The following PAPPA2 variants were observed in gnomAD, a reference collection of about 807,000 sequenced individuals.
PAPPA2 encodes the protein pappalysin 2.
PAPPA2 carries 86 observed loss-of-function variants against 176.4 expected under a neutral mutation model. The ratio of observed to expected loss-of-function variants is 0.49; its 90% CI spans 0.41 to 0.58. PAPPA2 has a LOEUF of 0.58. PAPPA2 is among the 20% of genes least tolerant of loss of function. The pLI, the probability that PAPPA2 is intolerant of heterozygous loss-of-function variation, is 0.00. For synonymous variants in PAPPA2, 809 were observed against 852.2 expected (o/e 0.95, Z 0.88); for missense variants, 2,073 against 2,256.9 (o/e 0.92, Z 1.65).
rs976606066 is a variant in PAPPA2, at chr1:176,475,407, C to G, written c.-917+11989C>G. On this transcript the variant is annotated intron_variant, in intron 1 of 22. Transcript: ENST00000367662. ...AAAGCCCAGATTCTCTGCTCTTGGC[C>G]CAACATAAGTTGTTACTGGCCTCAG... Among the ~76,000 whole-genome samples, 4 of 152,100 alleles carry G rather than the reference C, an allele frequency of 2.6e-5. No homozygotes were observed. The East Asian group carries it at 7.7e-4, about 29-fold the overall frequency.
intron 3 of PAPPA2, among the ~76,000 whole-genome samples, chr1:176,650,893 A>G (rs1657682388): frequency 6.6e-6 from 1 of 151,778 alleles, no homozygotes; most frequent in Middle Eastern, 3.4e-3. Context: ...TTGTGGCCAC[A>G]TGAGGCTTCA....
intron 9 of PAPPA2, among the ~76,000 whole-genome samples, chr1:176,706,132 A>G (rs1455286782): frequency 1.3e-5 from 2 of 152,304 alleles, no homozygotes; most frequent in South Asian, 2.1e-4. Context: ...AGGAATTCCC[A>G]CAACCCACTG....
At chr1:176,818,016 G>GAGGAAGAAT (rs1666476235) in intron 21 of PAPPA2, among the ~76,000 whole-genome samples, 2 of 152,126 alleles carry the variant, frequency 1.3e-5, no homozygotes, top group Non-Finnish European at 2.9e-5. Context: ...CAAGGGGACA[G>GAGGAAGAAT]AGGAAGAATG....
At chr1:176,552,882 C>T (rs543542880) in intron 1 of PAPPA2, among the ~76,000 whole-genome samples, 46 of 152,254 alleles carry the variant, frequency 3.0e-4, no homozygotes, top group Middle Eastern at 6.8e-3. Flanking sequence ...AAAACAGATT[C>T]GACCAGCTTT....
At chr1:176,769,117 G>T (rs1325601) in intron 15 of PAPPA2, among the ~76,000 whole-genome samples, 60,736 of 152,084 alleles carry the variant, frequency 0.4, 13,606 homozygotes, top group African/African-American at 0.6. Flanking sequence ...CAGAAACTGT[G>T]TAGAGCAGGC....
chr1:176,794,845 C>T (rs1175931330), intron 20 of PAPPA2, among the ~76,000 whole-genome samples: 1 of 152,186 alleles, frequency 6.6e-6, no homozygotes, highest in Non-Finnish European at 1.5e-5. Context: ...CTTGTCATTG[C>T]AATGGTGTCT....
intron 16 of PAPPA2, 47 bp downstream of exon 16, chr1:176,769,831 C>T: frequency 6.5e-7 from 1 of 1,528,934 alleles, no homozygotes; most frequent in Non-Finnish European, 8.8e-7. Context: ...TCTGCCATCC[C>T]TCGCTCTTGA....
intron 1 of PAPPA2, among the ~76,000 whole-genome samples, chr1:176,543,308 CCA>C (rs961381994): frequency 6.6e-6 from 1 of 152,096 alleles, no homozygotes; most frequent in Non-Finnish European, 1.5e-5. Context: ...TGGAACCAGC[CCA>C]CTCTCACCTC....
In PAPPA2 at chr1:176,739,746, A is replaced by T. The variant is rs1009132074; in HGVS notation, c.3919A>T (p.Ser1307Cys). The change falls in exon 13 of 23, where the codon AGC becomes TGC. Residue 1307 changes from serine to cysteine, a missense_variant. By Grantham distance (112) the Ser-to-Cys change is moderately radical (BLOSUM62 -1). Coordinates refer to ENST00000367662, the MANE Select transcript of PAPPA2 (RefSeq NM_020318.3). The part of the protein sequence containing the change: ...VTLYLTDVRG[S>C]NHSLGTYGLS... Reference sequence around the variant, plus strand: ...TCTCTACCTGACCGATGTCCGTGGAAGCAACCACTCTCTTGGTGAGTCTGA... The same window carrying T: ...TCTCTACCTGACCGATGTCCGTGGATGCAACCACTCTCTTGGTGAGTCTGA... 6.2e-6 allele frequency: 10 copies of T among 1,613,538 alleles called. No homozygotes were observed. The African/African-American group carries it at 1.2e-4, about 19-fold the overall frequency.
At chr1:176,623,758 C>CCCTTCTTT (rs1655820886) in intron 3 of PAPPA2, among the ~76,000 whole-genome samples, 1 of 59,042 alleles carries the variant, frequency 1.7e-5, no homozygotes, top group Non-Finnish European at 3.2e-5. Context: ...TTCCTTCCTT[C>CCCTTCTTT]CTTTCTTTCT....
intron 4 of PAPPA2, among the ~76,000 whole-genome samples, chr1:176,671,353 T>C (rs913502354): frequency 6.6e-6 from 1 of 152,232 alleles, no homozygotes; most frequent in Non-Finnish European, 1.5e-5. Context: ...ACTGAATCTA[T>C]AATTTAGATG....
chr1:176,795,215 C>T (rs1373899330), intron 20 of PAPPA2, among the ~76,000 whole-genome samples: 1 of 151,956 alleles, frequency 6.6e-6, no homozygotes, highest in Admixed American at 6.6e-5. Context: ...TATTCTTTTT[C>T]TTCTTTTCTG....
intron 3 of PAPPA2, among the ~76,000 whole-genome samples, chr1:176,597,807 G>A (rs1222446910): frequency 1.3e-5 from 2 of 152,142 alleles, no homozygotes. Flanking sequence ...CCAGATAAAT[G>A]AGAAAGTCTG....
At chr1:176,550,507 TC>T (rs1413605876) in intron 1 of PAPPA2, among the ~76,000 whole-genome samples, 2 of 152,168 alleles carry the variant, frequency 1.3e-5, no homozygotes, top group African/African-American at 2.4e-5. Flanking sequence ...GTTCCAAGCC[TC>T]AAAATCTTAC....
At chr1:176,682,902 G>A (rs1314021774) in intron 4 of PAPPA2, among the ~76,000 whole-genome samples, 1 of 151,990 alleles carries the variant, frequency 6.6e-6, no homozygotes, top group Non-Finnish European at 1.5e-5. Flanking sequence ...ATGCAGACCA[G>A]CCCTCAACCT....
chr1:176,558,389 T>A (rs547575046), intron 2 of PAPPA2, among the ~76,000 whole-genome samples: 1 of 152,240 alleles, frequency 6.6e-6, no homozygotes, highest in African/African-American at 2.4e-5. Context: ...GCCTGCAAAG[T>A]TTCAGACTAG....
At chr1:176,468,878 A>T (rs1379133692) in intron 1 of PAPPA2, among the ~76,000 whole-genome samples, 1 of 152,208 alleles carries the variant, frequency 6.6e-6, no homozygotes, top group Non-Finnish European at 1.5e-5. Flanking sequence ...AAATAAGAAT[A>T]CTATGTTTAT....
chr1:176,724,267 A>G (rs990400708), intron 12 of PAPPA2, among the ~76,000 whole-genome samples: 2 of 152,160 alleles, frequency 1.3e-5, no homozygotes, highest in African/African-American at 4.8e-5. Flanking sequence ...TGTATCTATT[A>G]ATCTAGTTCA....
intron 21 of PAPPA2, among the ~76,000 whole-genome samples, chr1:176,821,791 T>C (rs574553720): frequency 2.0e-4 from 30 of 152,350 alleles, no homozygotes; most frequent in African/African-American, 7.0e-4. Context: ...AGTGAAATTA[T>C]GCTCTGCTGA....
Sources: allele counts gnomAD v4.1 joint callset (sites outside exome capture counted in the v4.1 genomes callset), GRCh38; gene constraint gnomAD v4.1.1; transcripts MANE v1.5; gene names NCBI Gene and HGNC (gene_info 2026-07-23, HGNC 2026-07-21).